GPC5: variants seen among roughly 807,000 people sequenced by gnomAD.
GPC5 encodes glypican 5.
In GPC5, 47 loss-of-function variants were observed where a neutral mutation model predicts 53.9. The ratio of observed to expected loss-of-function variants is 0.87; its 90% CI spans 0.69 to 1.11. The LOEUF is 1.11. Among genes scored for constraint, GPC5 ranks in the 50% most tolerant of loss-of-function variants. The pLI is 0.00. For synonymous variants in GPC5, 286 were observed against 263.3 expected, an observed-to-expected ratio of 1.09 and a Z score of -0.84; for missense variants, 748 against 713.1, an observed-to-expected ratio of 1.05 and a Z score of -0.56.
At chr13:92,597,319 T>C (rs1883915561) in intron 7 of GPC5, among the ~76,000 whole-genome samples, 3 of 152,082 alleles carry the variant, frequency 2.0e-5, no homozygotes. Context: ...AATGCTCATT[T>C]GGAGAAACAT....
intron 5 of GPC5, among the ~76,000 whole-genome samples, chr13:91,861,814 A>G (rs1330052648): frequency 1.3e-5 from 2 of 150,512 alleles, no homozygotes; most frequent in Non-Finnish European, 3.0e-5. Context: ...AATTGCATAG[A>G]TGAGTTAGTT....
Position 91,803,781 on chromosome 13 carries a change from G to GACACACACACACACAC in GPC5, c.1280+47371_1280+47386dup, listed in dbSNP as rs369314989. Reference sequence around the variant, plus strand: ...TATAACAGAGACAGACAGACAGACAGACACACACACACACACACACACACA... The same window carrying GACACACACACACACAC: ...TATAACAGAGACAGACAGACAGACAGACACACACACACACACACACACACACACACACACACACACA... On this transcript the variant is annotated intron_variant, in intron 5 of 7. Transcript: ENST00000377067. 1.0e-4 allele frequency among the ~76,000 whole-genome samples: 15 copies of GACACACACACACACAC among 147,642 alleles called. No homozygotes were observed. The South Asian group carries it at 1.3e-3, about 13-fold the overall frequency.
At chr13:91,695,990 T>G (rs1400677501) in intron 3 of GPC5, among the ~76,000 whole-genome samples, 1 of 152,174 alleles carries the variant, frequency 6.6e-6, no homozygotes, top group Non-Finnish European at 1.5e-5. Context: ...CCATTAGTCA[T>G]GTGGGCTGGG....
At chr13:91,540,430 A>G (rs1344891011) in intron 2 of GPC5, among the ~76,000 whole-genome samples, 1 of 152,196 alleles carries the variant, frequency 6.6e-6, no homozygotes, top group African/African-American at 2.4e-5. Context: ...TAGTGGGAAA[A>G]TACCTTAATT....
intron 2 of GPC5, among the ~76,000 whole-genome samples, chr13:91,503,379 T>C (rs2139303540): frequency 6.6e-6 from 1 of 152,016 alleles, no homozygotes; most frequent in South Asian, 2.1e-4. Context: ...CCATTTATTT[T>C]CCAGCTCCAC....
intron 7 of GPC5, among the ~76,000 whole-genome samples, chr13:92,803,780 C>T (rs537899091): frequency 5.9e-5 from 9 of 151,942 alleles, no homozygotes; most frequent in Middle Eastern, 3.4e-3. Flanking sequence ...AATTGATAAG[C>T]GGATGTTGGG....
intron 7 of GPC5, among the ~76,000 whole-genome samples, chr13:92,360,942 C>T (rs1167203651): frequency 1.3e-5 from 2 of 151,816 alleles, no homozygotes; most frequent in Middle Eastern, 3.4e-3. Context: ...AACCTAGTCA[C>T]GTAAGAGAGA....
chr13:91,462,824 T>C (rs1192440897), intron 2 of GPC5, among the ~76,000 whole-genome samples: 2 of 152,132 alleles, frequency 1.3e-5, no homozygotes, highest in Non-Finnish European at 2.9e-5. Flanking sequence ...TTTAGGATGA[T>C]CTAGGCCAAC....
intron 7 of GPC5, among the ~76,000 whole-genome samples, chr13:92,373,732 C>A (rs569295998): frequency 6.6e-6 from 1 of 152,196 alleles, no homozygotes; most frequent in Admixed American, 6.5e-5. Context: ...TACATCACAA[C>A]ATCCATTCAA....
At chr13:91,694,350 T>C (rs927953521) in intron 3 of GPC5, among the ~76,000 whole-genome samples, 1 of 152,246 alleles carries the variant, frequency 6.6e-6, no homozygotes, top group Non-Finnish European at 1.5e-5. Context: ...CATTTGGCTT[T>C]AAAATGGAAA....
chr13:92,396,411 CAT>C (rs1036755046), intron 7 of GPC5, among the ~76,000 whole-genome samples: 3 of 151,546 alleles, frequency 2.0e-5, no homozygotes, highest in African/African-American at 7.3e-5. Context: ...GTGCTTTTAA[CAT>C]ATTAGCCACC....
chr13:92,138,507 CA>C (rs1343212733), intron 6 of GPC5, among the ~76,000 whole-genome samples: 1 of 148,178 alleles, frequency 6.7e-6, no homozygotes, highest in Non-Finnish European at 1.5e-5. Flanking sequence ...GTGACAGAGC[CA>C]GACTCCATCT....
At chr13:91,682,234 A>G (rs929493877) in intron 2 of GPC5, among the ~76,000 whole-genome samples, 1 of 152,234 alleles carries the variant, frequency 6.6e-6, no homozygotes, top group African/African-American at 2.4e-5. Context: ...TGGTCGTGCT[A>G]GTAAGAGTAC....
intron 7 of GPC5, among the ~76,000 whole-genome samples, chr13:92,664,517 T>C (rs1422331755): frequency 6.6e-6 from 1 of 152,128 alleles, no homozygotes; most frequent in Non-Finnish European, 1.5e-5. Context: ...AATGAAATCA[T>C]AGCGTATAGA....
At chr13:92,109,983 T>C (rs1283528491) in intron 6 of GPC5, among the ~76,000 whole-genome samples, 1 of 152,094 alleles carries the variant, frequency 6.6e-6, no homozygotes, top group South Asian at 2.1e-4. Context: ...AGAGAAATGA[T>C]AAATATAATA....
intron 5 of GPC5, among the ~76,000 whole-genome samples, chr13:91,801,994 C>G (rs2038143811): frequency 6.6e-6 from 1 of 152,044 alleles, no homozygotes; most frequent in Non-Finnish European, 1.5e-5. Context: ...GCAGATGTCC[C>G]TATGTACTAA....
At chr13:92,748,777 T>G (rs958711146) in intron 7 of GPC5, among the ~76,000 whole-genome samples, 1 of 152,214 alleles carries the variant, frequency 6.6e-6, no homozygotes, top group Non-Finnish European at 1.5e-5. Flanking sequence ...ATATCCTTTT[T>G]CTGCATTACA....
At chr13:92,044,897 G>A (rs1243868758) in intron 6 of GPC5, among the ~76,000 whole-genome samples, 1 of 152,038 alleles carries the variant, frequency 6.6e-6, no homozygotes, top group African/African-American at 2.4e-5. Flanking sequence ...TAAAAGGTTG[G>A]TGAAAATAAT....
At chr13:92,695,890 C>A (rs1464367405) in intron 7 of GPC5, among the ~76,000 whole-genome samples, 2 of 151,910 alleles carry the variant, frequency 1.3e-5, no homozygotes, top group African/African-American at 4.8e-5. Context: ...TGTGGTGTTC[C>A]CCTCCCTGTG....
Sources: gnomAD v4.1 joint callset for allele counts (sites outside exome capture counted in the v4.1 genomes callset) on GRCh38, gnomAD v4.1.1 for gene constraint, MANE v1.5 for transcripts, NCBI Gene and HGNC (gene_info 2026-07-23, HGNC 2026-07-21) for gene names.